The following PCDHA7 variants were observed in gnomAD, a reference collection of about 807,000 sequenced individuals.
The protein encoded by PCDHA7 is protocadherin alpha 7.
Under a neutral mutation model 57.2 loss-of-function variants are expected in PCDHA7, and 37 were observed. That is an observed-to-expected ratio of 0.65 (90% confidence interval 0.50 to 0.85). PCDHA7 has a LOEUF of 0.85. Among genes scored for constraint, PCDHA7 ranks in the 40% least tolerant of loss-of-function variants. The pLI is 0.00. For missense variants in PCDHA7, 1,188 were observed against 1,241.8 expected, an observed-to-expected ratio of 0.96 and a Z score of 0.65; for synonymous variants, 553 against 558.8, an observed-to-expected ratio of 0.99 and a Z score of 0.15.
intron 2 of PCDHA7, among the ~76,000 whole-genome samples, chr5:140,981,053 A>T (rs1422870263): frequency 6.6e-6 from 1 of 152,206 alleles, no homozygotes; most frequent in Non-Finnish European, 1.5e-5. Flanking sequence ...AGATAATTCT[A>T]GAGTGTAGAC....
At chr5:140,940,547 C>G (rs1256617271) in intron 1 of PCDHA7, among the ~76,000 whole-genome samples, 1 of 152,018 alleles carries the variant, frequency 6.6e-6, no homozygotes, top group Admixed American at 6.6e-5. Flanking sequence ...TTCCTGGGCT[C>G]AAGTGATTCT....
At chr5:140,870,810 T>C in intron 1 of PCDHA7, 2 of 1,613,710 alleles carry the variant, frequency 1.2e-6, no homozygotes, top group South Asian at 1.1e-5. Context: ...CGACTCAGGC[T>C]GGCAGCGCGG....
intron 1 of PCDHA7, chr5:140,877,468 C>A (rs781957457): frequency 6.2e-7 from 1 of 1,613,810 alleles, no homozygotes; most frequent in South Asian, 1.1e-5. Flanking sequence ...GGCCACGGTG[C>A]TGGTGTCGCT....
chr5:140,845,528 T>G (rs1779913458), intron 1 of PCDHA7, among the ~76,000 whole-genome samples: 1 of 149,556 alleles, frequency 6.7e-6, no homozygotes, highest in African/African-American at 2.4e-5. Context: ...TTAATACTTT[T>G]CACTATTCTA....
intron 3 of PCDHA7, among the ~76,000 whole-genome samples, chr5:141,001,849 T>G (rs889682000): frequency 6.6e-6 from 1 of 151,820 alleles, no homozygotes; most frequent in Non-Finnish European, 1.5e-5. Context: ...GAGAGAGAGG[T>G]TGATTAAATT....
At chr5:140,957,900 G>A (rs2095395670) in intron 1 of PCDHA7, among the ~76,000 whole-genome samples, 1 of 151,932 alleles carries the variant, frequency 6.6e-6, no homozygotes, top group South Asian at 2.1e-4. Flanking sequence ...CATCAACCAA[G>A]GCATATTGTT....
rs945250298 is a variant in PCDHA7 at position 140,897,146 on chromosome 5, A to G, written c.2355+60408A>G. Among the ~76,000 whole-genome samples the G allele has an allele frequency of 5.3e-5, 8 of 152,258 alleles. No individual in the cohort carries two copies. In the East Asian group the frequency reaches 1.5e-3, roughly 29 times the overall value. On this transcript the variant is annotated intron_variant, in intron 1 of 3. Coordinates refer to ENST00000525929, the MANE Select transcript of PCDHA7 (RefSeq NM_018910.3). Reference sequence around the variant, plus strand: ...CCCACTAAACTTTCTAGCCTTTGTTAACCATTCTTCTACTGTCTATCTCCA... The same window carrying G: ...CCCACTAAACTTTCTAGCCTTTGTTGACCATTCTTCTACTGTCTATCTCCA...
intron 1 of PCDHA7, chr5:140,865,753 A>T (rs894037976): frequency 2.6e-5 from 4 of 152,218 alleles, no homozygotes; most frequent in Admixed American, 1.3e-4. Flanking sequence ...CAGTGCCAGT[A>T]CATGGTGGAG....
At chr5:140,994,226 G>A (rs2097606248) in intron 3 of PCDHA7, among the ~76,000 whole-genome samples, 1 of 152,162 alleles carries the variant, frequency 6.6e-6, no homozygotes. Flanking sequence ...GTCTGTCTAT[G>A]TTATAATCAA....
intron 1 of PCDHA7, among the ~76,000 whole-genome samples, chr5:140,889,804 G>A (rs940898112): frequency 1.3e-5 from 2 of 152,112 alleles, no homozygotes; most frequent in African/African-American, 2.4e-5. Context: ...TGGGATTTAT[G>A]AAGTCAGGTC....
intron 1 of PCDHA7, chr5:140,870,730 C>T: frequency 1.4e-5 from 23 of 1,613,398 alleles, no homozygotes; most frequent in Non-Finnish European, 1.9e-5. Context: ...GGGCGTGCCG[C>T]CTCTGAGCAG....
intron 1 of PCDHA7, chr5:140,863,701 A>G (rs782228120): frequency 3.1e-5 from 9 of 294,760 alleles, no homozygotes; most frequent in Non-Finnish European, 6.0e-5. Context: ...TGCTTTATTT[A>G]AAGTACACTG....
intron 1 of PCDHA7, chr5:140,848,371 A>T: frequency 8.8e-7 from 1 of 1,131,148 alleles, no homozygotes; most frequent in Non-Finnish European, 1.3e-6. Context: ...AAAGAGGCTC[A>T]ATTCTTTTTC....
At chr5:140,877,347 G>A (rs2057054618) in intron 1 of PCDHA7, 3 of 1,614,010 alleles carry the variant, frequency 1.9e-6, no homozygotes, top group Admixed American at 1.7e-5. Flanking sequence ...TCCACGTGGG[G>A]CTGTACACTG....
At chr5:140,841,702 T>C in intron 1 of PCDHA7, 2 of 1,613,896 alleles carry the variant, frequency 1.2e-6, no homozygotes, top group African/African-American at 1.3e-5. Context: ...AGGATGTTAA[T>C]GACAACCCGC....
intron 1 of PCDHA7, among the ~76,000 whole-genome samples, chr5:140,879,490 C>T (rs2058010245): frequency 2.0e-5 from 3 of 152,090 alleles, no homozygotes; most frequent in Admixed American, 2.0e-4. Flanking sequence ...AAATATGGGT[C>T]TGGATCTCAG....
Position 140,841,112 on chromosome 5 carries a change from C to A in PCDHA7, c.2355+4374C>A, listed in dbSNP as rs190685960. The A allele has an allele frequency of 8.3e-6, 5 of 602,150 alleles. No individual in the cohort carries two copies. In the East Asian group the frequency reaches 1.4e-4, roughly 17 times the overall value. 37.3% of individuals were successfully genotyped at this position (602,150 alleles called of 1,614,324 possible). On this transcript the variant is annotated intron_variant, in intron 1 of 3. Transcript: ENST00000525929. ...GAACCCAGATATTGCGGAAGTAATT[C>A]ATGTAATCATTACCTTTTGAAGCCA... is the stretch of plus-strand genomic sequence containing the variant.
chr5:140,998,629 A>G (rs989469969), intron 3 of PCDHA7, among the ~76,000 whole-genome samples: 3 of 152,064 alleles, frequency 2.0e-5, no homozygotes, highest in African/African-American at 7.2e-5. Context: ...CAATGGCACA[A>G]TCTCAGCTCA....
Position 140,857,340 on chromosome 5 carries a change from C to T in PCDHA7, c.2355+20602C>T, listed in dbSNP as rs782392001. ...GTGGTGACCGCGCGGGACGGGGGCTCGCCTCCGCTGTGGGCCACGGCCAGC... is the reference window on the plus strand; with the variant it reads ...GTGGTGACCGCGCGGGACGGGGGCTTGCCTCCGCTGTGGGCCACGGCCAGC... On this transcript the variant is annotated intron_variant, in intron 1 of 3. Coordinates refer to ENST00000525929, the MANE Select transcript of PCDHA7 (RefSeq NM_018910.3). 2.5e-6 allele frequency: 4 copies of T among 1,598,236 alleles called. 1 individual carries two copies. Among genetic ancestry groups the T allele is most frequent in the Non-Finnish European group, 2.6e-6 (3 of 1,167,864 alleles).
Sources: gnomAD v4.1 joint callset for allele counts (sites outside exome capture counted in the v4.1 genomes callset) on GRCh38, gnomAD v4.1.1 for gene constraint, MANE v1.5 for transcripts, NCBI Gene and HGNC (gene_info 2026-07-23, HGNC 2026-07-21) for gene names.